Variants in PDZRN4 observed in about 807,000 individuals in gnomAD.
PDZRN4 encodes the protein PDZ domain containing ring finger 4.
In PDZRN4, 70 loss-of-function variants were observed where a neutral mutation model predicts 99.0. The ratio of observed to expected loss-of-function variants is 0.71; its 90% CI spans 0.58 to 0.86. The LOEUF is 0.86. Among genes scored for constraint, PDZRN4 ranks in the 40% least tolerant of loss-of-function variants. The pLI is 0.00. For synonymous variants in PDZRN4, 551 were observed against 501.6 expected (o/e 1.10, Z -1.32); for missense variants, 1,474 against 1,331.2 (o/e 1.11, Z -1.67).
intron 3 of PDZRN4, among the ~76,000 whole-genome samples, chr12:41,382,528 G>C (rs922668247): frequency 3.3e-5 from 5 of 152,160 alleles, no homozygotes; most frequent in African/African-American, 4.8e-5. Context: ...TTGACTCTTA[G>C]GAATTACCTT....
chr12:41,431,153 T>C (rs1314623705), intron 3 of PDZRN4, among the ~76,000 whole-genome samples: 1 of 152,156 alleles, frequency 6.6e-6, no homozygotes, highest in African/African-American at 2.4e-5. Context: ...ATCCAAACCA[T>C]ATCAACTTGG....
At chr12:41,349,139 A>T (rs1428456291) in intron 3 of PDZRN4, among the ~76,000 whole-genome samples, 1 of 151,962 alleles carries the variant, frequency 6.6e-6, no homozygotes, top group East Asian at 1.9e-4. Flanking sequence ...GGGATCACCT[A>T]TATTAACAAA....
chr12:41,242,528 C>T (rs1389054536), intron 3 of PDZRN4, among the ~76,000 whole-genome samples: 1 of 152,176 alleles, frequency 6.6e-6, no homozygotes, highest in African/African-American at 2.4e-5. Context: ...AGCTCTAAAA[C>T]TATTCAGGAT....
Position 41,573,251 on chromosome 12 carries a change from C to G in PDZRN4, c.2472C>G (p.Ser824Arg), listed in dbSNP as rs192751186. 6.2e-7 allele frequency: 1 copy of G among 1,613,920 alleles called. No homozygotes were observed. The highest frequency in any genetic ancestry group is 1.1e-5 in the South Asian group (1 of 91,082). ...TTCCTGATCAAGAGAAGGCAGTCAGCGAACACATCCCTTACCTCTCTCCTT... is the reference window on the plus strand; with the variant it reads ...TTCCTGATCAAGAGAAGGCAGTCAGGGAACACATCCCTTACCTCTCTCCTT... The part of the protein sequence containing the change: ...SKLPDQEKAV[S>R]EHIPYLSPYH... Residue 824 changes from serine to arginine, a missense_variant, in exon 10 of 10, where the codon AGC (serine) becomes AGG (arginine). Physicochemically the swap from Ser to Arg is moderately radical, Grantham distance 110 (BLOSUM62 -1). Transcript: ENST00000402685.
chr12:41,466,038 T>C (rs763288250), intron 3 of PDZRN4, among the ~76,000 whole-genome samples: 3 of 152,174 alleles, frequency 2.0e-5, no homozygotes, highest in Non-Finnish European at 4.4e-5. Context: ...TTACAGAACA[T>C]TTTGTGTCTT....
chr12:41,276,089 G>A (rs565196256), intron 3 of PDZRN4, among the ~76,000 whole-genome samples: 2 of 152,258 alleles, frequency 1.3e-5, no homozygotes, highest in South Asian at 4.2e-4. Flanking sequence ...GGAAGCCTAG[G>A]ACATTCTCGA....
intron 5 of PDZRN4, among the ~76,000 whole-genome samples, chr12:41,551,230 G>T (rs1422324443): frequency 1.3e-5 from 2 of 152,062 alleles, no homozygotes; most frequent in Admixed American, 6.6e-5. Flanking sequence ...GAAGAGGCAA[G>T]ATAGCTCTCT....
intron 5 of PDZRN4, among the ~76,000 whole-genome samples, chr12:41,518,783 A>G (rs573529275): frequency 6.6e-6 from 1 of 152,010 alleles, no homozygotes; most frequent in South Asian, 2.1e-4. Context: ...GAGACCCCGT[A>G]TCTACAAAAA....
chr12:41,560,446 T>A (rs2120825602), intron 7 of PDZRN4, among the ~76,000 whole-genome samples: 1 of 152,268 alleles, frequency 6.6e-6, no homozygotes, highest in Admixed American at 6.5e-5. Context: ...GTACCACAGA[T>A]CTCTTCTTAG....
At position 41,188,549 on chromosome 12, in the gene PDZRN4, C is replaced by A. The variant is rs1475848153; in HGVS notation, c.94C>A (p.Pro32Thr). ...GQVLEEPLCT[P>T]CGHVFCASCL... ...GGTGCTTGAAGAGCCCCTGTGCACG[C>A]CGTGCGGGCACGTCTTCTGCGCCAG... Residue 32 changes from proline to threonine, a missense_variant, in exon 1 of 10, where the codon CCG (proline) becomes ACG (threonine). By Grantham distance (38) the Pro-to-Thr change is conservative. Coordinates refer to ENST00000402685, the MANE Select transcript of PDZRN4 (RefSeq NM_001164595.2). 3 of 1,564,374 alleles carry A rather than the reference C, an allele frequency of 1.9e-6. No homozygotes were observed. The South Asian group carries it at 3.5e-5, about 18-fold the overall frequency.
chr12:41,409,665 C>G (rs952340447), intron 3 of PDZRN4: 1 of 152,128 alleles, frequency 6.6e-6, no homozygotes, highest in African/African-American at 2.4e-5. Context: ...CTCAATGAAA[C>G]TTAGAGAAAA....
rs377624610 is a variant in PDZRN4, at chr12:41,573,563, C to T, written c.2784C>T (p.Asp928=). 132 of 1,612,968 alleles carry T rather than the reference C, an allele frequency of 8.2e-5. No homozygotes were observed. The highest frequency in any genetic ancestry group is 1.2e-4 in the African/African-American group (9 of 74,630). ...IKEERSGMTT[D]DDTMSEMKMG... is the part of the protein sequence containing the mutation. ...AAGAGCGGAGTGGCATGACCACAGA[C>T]GATGACACCATGAGCGAGATGAAAA... The change falls in exon 10 of 10, where the codon GAC becomes GAT. Residue 928 remains aspartate, a synonymous_variant. Coordinates refer to ENST00000402685, the MANE Select transcript of PDZRN4 (RefSeq NM_001164595.2).
At chr12:41,460,102 A>G in intron 3 of PDZRN4, 1 of 1,279,286 alleles carries the variant, frequency 7.8e-7, no homozygotes, top group Non-Finnish European at 1.0e-6. Context: ...ATTTTCTGTC[A>G]GGGGATCATA....
intron 3 of PDZRN4, among the ~76,000 whole-genome samples, chr12:41,232,985 G>C (rs991858229): frequency 6.6e-6 from 1 of 151,990 alleles, no homozygotes; most frequent in African/African-American, 2.4e-5. Context: ...ATGTAGATAT[G>C]CGGCATTATT....
intron 3 of PDZRN4, among the ~76,000 whole-genome samples, chr12:41,276,396 G>C (rs1012064468): frequency 1.2e-4 from 18 of 152,004 alleles, no homozygotes; most frequent in African/African-American, 4.1e-4. Flanking sequence ...GCAGTTTAAC[G>C]AGTAGACCCT....
At chr12:41,457,119 T>C (rs1236592045) in intron 3 of PDZRN4, among the ~76,000 whole-genome samples, 1 of 152,180 alleles carries the variant, frequency 6.6e-6, no homozygotes, top group African/African-American at 2.4e-5. Flanking sequence ...TATTCACACA[T>C]GAAAATACTG....
chr12:41,196,942 G>A (rs1355776862), intron 3 of PDZRN4, among the ~76,000 whole-genome samples: 1 of 151,996 alleles, frequency 6.6e-6, no homozygotes, highest in East Asian at 1.9e-4. Flanking sequence ...AAGTAAGTTT[G>A]TTAACAGTGT....
Position 41,272,469 on chromosome 12 carries a change from C to T in PDZRN4, c.843+78281C>T, listed in dbSNP as rs566377582. The stretch of plus-strand genomic sequence containing the variant: ...TTTAAAGCATCATTACTATAATGGC[C>T]CATTTATTGTATTAAATGAGTATTA... On this transcript the variant is annotated intron_variant, in intron 3 of 9. Coordinates refer to ENST00000402685, the MANE Select transcript of PDZRN4 (RefSeq NM_001164595.2). Among the ~76,000 whole-genome samples, 16 of 151,996 alleles carry T rather than the reference C, an allele frequency of 1.1e-4. No individual in the cohort carries two copies. In the South Asian group the frequency reaches 2.1e-3, roughly 20 times the overall value.
At chr12:41,197,920 G>GTTTTTTTTTTTTTTTTTTTTTTTT (rs533696414) in intron 3 of PDZRN4, among the ~76,000 whole-genome samples, 25 of 115,600 alleles carry the variant, frequency 2.2e-4, no homozygotes, top group Non-Finnish European at 2.4e-4. Flanking sequence ...TTTTTTCTGG[G>GTTTTTTTTTTTTTTTTTTTTTTTT]TTTTTTTTTT....
Sources: gnomAD v4.1 joint callset for allele counts (sites outside exome capture counted in the v4.1 genomes callset) on GRCh38, gnomAD v4.1.1 for gene constraint, MANE v1.5 for transcripts, NCBI Gene and HGNC (gene_info 2026-07-23, HGNC 2026-07-21) for gene names.